Variants in SLC13A3 observed in about 807,000 individuals in gnomAD.
The protein encoded by SLC13A3 is solute carrier family 13 member 3, also known as Na(+)/dicarboxylate cotransporter 3.
In SLC13A3, 40 loss-of-function variants were observed where a neutral mutation model predicts 59.0. The ratio of observed to expected loss-of-function variants is 0.68; its 90% CI spans 0.53 to 0.88. The LOEUF is 0.88. Ranked by LOEUF, SLC13A3 falls within the 40% of genes least tolerant of loss-of-function variation. The pLI is 0.00. For synonymous variants in SLC13A3, 317 were observed against 330.3 expected (o/e 0.96, Z 0.44); for missense variants, 699 against 783.2 (o/e 0.89, Z 1.28).
At chr20:46,593,580 T>C (rs2062281189) in intron 5 of SLC13A3, among the ~76,000 whole-genome samples, 1 of 152,162 alleles carries the variant, frequency 6.6e-6, no homozygotes, top group African/African-American at 2.4e-5. Context: ...AGTATACCTC[T>C]ATAATTAGAC....
At position 46,564,072 on chromosome 20, in the gene SLC13A3, T is replaced by A. The variant is rs568853320; in HGVS notation, c.1495-521A>T. Among the ~76,000 whole-genome samples, 6 of 152,378 alleles carry A rather than the reference T, an allele frequency of 3.9e-5. No individual in the cohort carries two copies. In the South Asian group the frequency reaches 8.3e-4, roughly 21 times the overall value. ...ACGTGTTCCCCCGGTGCTGCTGGTCTAAGGACTGTACACTGAGAACCAGGG... is the reference window on the plus strand; with the variant it reads ...ACGTGTTCCCCCGGTGCTGCTGGTCAAAGGACTGTACACTGAGAACCAGGG... On this transcript the variant is annotated intron_variant, in intron 11 of 12. Transcript: ENST00000279027.
chr20:46,651,423 A>T lies in SLC13A3; in HGVS notation c.-2T>A. ...GGCCGCTGCTGCCAGCGCCGCCATC[A>T]GCGCGATCGCCTGGCGGTACGGGCC... On this transcript the variant is annotated 5_prime_UTR_variant, in exon 1 of 13. Coordinates refer to ENST00000279027, the MANE Select transcript of SLC13A3 (RefSeq NM_022829.6). 2 of 1,480,944 alleles carry T rather than the reference A, an allele frequency of 1.4e-6. No homozygotes were observed. The highest frequency in any genetic ancestry group is 2.9e-5 in the East Asian group (1 of 34,732). The allele number at this position is 1,480,944 out of a possible 1,614,324, so 91.7% of individuals were successfully genotyped here.
chr20:46,674,131 A>G (rs759276958), upstream of SLC13A3, among the ~76,000 whole-genome samples: 28 of 152,110 alleles, frequency 1.8e-4, no homozygotes, highest in Non-Finnish European at 3.5e-4. Context: ...CCCTCCACAG[A>G]AGGGACTTTC....
chr20:46,631,799 GA>G (rs965851815), intron 1 of SLC13A3, among the ~76,000 whole-genome samples: 1 of 151,988 alleles, frequency 6.6e-6, no homozygotes, highest in Non-Finnish European at 1.5e-5. Context: ...GAGAGAGAGA[GA>G]AAAAAATGCC....
At chr20:46,611,544 GGC>G (rs1160758858) in intron 2 of SLC13A3, among the ~76,000 whole-genome samples, 3 of 152,164 alleles carry the variant, frequency 2.0e-5, no homozygotes, top group Non-Finnish European at 4.4e-5. Flanking sequence ...CAGAGCAGAT[GGC>G]ACAGAGATAA....
intron 9 of SLC13A3, among the ~76,000 whole-genome samples, chr20:46,578,668 C>G (rs2062103030): frequency 6.6e-6 from 1 of 151,850 alleles, no homozygotes; most frequent in African/African-American, 2.4e-5. Flanking sequence ...AGAGCAAGAC[C>G]CTGTCTTAAA....
intron 1 of SLC13A3, among the ~76,000 whole-genome samples, chr20:46,683,707 G>A (rs2063164690): frequency 1.3e-5 from 2 of 151,992 alleles, no homozygotes; most frequent in Non-Finnish European, 2.9e-5. Context: ...CTCTTTGTGG[G>A]TCCCTGTCCT....
At chr20:46,610,124 T>C (rs1338418387) in intron 3 of SLC13A3, among the ~76,000 whole-genome samples, 1 of 152,222 alleles carries the variant, frequency 6.6e-6, no homozygotes, top group Non-Finnish European at 1.5e-5. Flanking sequence ...ATGCTGAGCA[T>C]CTCTTTGAAT....
chr20:46,559,730 T>C lies in SLC13A3; in HGVS notation c.*292A>G. 1 of 322,746 alleles carries C rather than the reference T, an allele frequency of 3.1e-6. No homozygotes were observed. Among genetic ancestry groups the C allele is most frequent in the Non-Finnish European group, 5.8e-6 (1 of 173,580 alleles). The allele number at this position is 322,746 out of a possible 1,614,324, so 20.0% of individuals were successfully genotyped here. ...AACACCATGCCAGATTTGCTCACTGTTGATGACACTGGGCTGTCTTGTATC... is the reference window on the plus strand; with the variant it reads ...AACACCATGCCAGATTTGCTCACTGCTGATGACACTGGGCTGTCTTGTATC... On this transcript the variant is annotated 3_prime_UTR_variant, in exon 13 of 13. Coordinates refer to ENST00000279027, the MANE Select transcript of SLC13A3 (RefSeq NM_022829.6).
In SLC13A3 at chr20:46,635,828, A is replaced by G. The variant is rs570870078; in HGVS notation, c.111+15483T>C. 5.3e-5 allele frequency among the ~76,000 whole-genome samples: 8 copies of G among 152,330 alleles called. No homozygotes were observed. The South Asian group carries it at 1.7e-3, about 32-fold the overall frequency. On this transcript the variant is annotated intron_variant, in intron 1 of 12. Transcript: ENST00000279027. ...AGGATGCAGCAAAGAAGCTGGCCAA[A>G]ACCAAGATGGCAAGGAAAGCGACCT...
At chr20:46,573,857 C>A (rs2062049821) in intron 10 of SLC13A3, among the ~76,000 whole-genome samples, 1 of 152,200 alleles carries the variant, frequency 6.6e-6, no homozygotes, top group South Asian at 2.1e-4. Context: ...ATTGTAACTT[C>A]ATTTGAAACT....
chr20:46,588,695 C>T (rs2062220594), intron 7 of SLC13A3, among the ~76,000 whole-genome samples: 1 of 152,082 alleles, frequency 6.6e-6, no homozygotes, highest in African/African-American at 2.4e-5. Context: ...GACAGTTACC[C>T]AATGTACCCA....
At position 46,591,164 on chromosome 20, in the gene SLC13A3, CTAAA is replaced by C. The variant is rs56802241; in HGVS notation, c.920+1236_920+1239del. ...CCTGGGTGACAGAATGAGACTTTGTCTAAATAAATAAATAAATAAATAAATAAAT... is the reference window on the plus strand; with the variant it reads ...CCTGGGTGACAGAATGAGACTTTGTCTAAATAAATAAATAAATAAATAAAT... On this transcript the variant is annotated intron_variant, in intron 6 of 12. Coordinates refer to ENST00000279027, the MANE Select transcript of SLC13A3 (RefSeq NM_022829.6). Among the ~76,000 whole-genome samples the C allele has an allele frequency of 3.5e-3, 528 of 149,058 alleles. 1 individual carries two copies. Among genetic ancestry groups the C allele is most frequent in the African/African-American group, 4.3e-3 (174 of 40,408 alleles).
chr20:46,608,699 C>T (rs955799786), intron 3 of SLC13A3: 23 of 687,590 alleles, frequency 3.3e-5, no homozygotes, highest in South Asian at 7.8e-5. Context: ...AGATGGTACA[C>T]GGATCAACAT....
intron 1 of SLC13A3, among the ~76,000 whole-genome samples, chr20:46,637,233 C>T (rs552086641): frequency 6.6e-6 from 1 of 152,252 alleles, no homozygotes; most frequent in Admixed American, 6.5e-5. Context: ...TGGGGGAAGC[C>T]GGCCCTGCTG....
rs2694883 is a variant in SLC13A3 at position 46,599,945 on chromosome 20, C to T, written c.608+26G>A. ...ATCTCCTTGAATCAAGCACTGGGTC[C>T]TCTATGAATTTCACCAGTAACTTAC... On this transcript the variant is annotated intron_variant, in intron 4 of 12. Coordinates refer to ENST00000279027, the MANE Select transcript of SLC13A3 (RefSeq NM_022829.6). 7,616 of 1,535,146 alleles carry T rather than the reference C, an allele frequency of 5.0e-3. 292 individuals are homozygous for T. The African/African-American group carries it at 0.089, about 18-fold the overall frequency.
chr20:46,607,217 A>C (rs1205776127), intron 3 of SLC13A3, among the ~76,000 whole-genome samples: 2 of 152,214 alleles, frequency 1.3e-5, no homozygotes, highest in Non-Finnish European at 2.9e-5. Context: ...AGTATAAAAA[A>C]ATTAGCATGG....
At chr20:46,622,303 C>T (rs185151285) in intron 1 of SLC13A3, among the ~76,000 whole-genome samples, 41 of 152,236 alleles carry the variant, frequency 2.7e-4, no homozygotes, top group African/African-American at 7.9e-4. Flanking sequence ...CAGGTGGATG[C>T]CGGCTCAAAT....
intron 8 of SLC13A3, among the ~76,000 whole-genome samples, chr20:46,586,710 C>G (rs1039583943): frequency 5.9e-5 from 9 of 152,210 alleles, no homozygotes; most frequent in African/African-American, 2.2e-4. Context: ...CAATCCAACC[C>G]AGCACAAGTC....
Sources: allele counts gnomAD v4.1 joint callset (sites outside exome capture counted in the v4.1 genomes callset), GRCh38; gene constraint gnomAD v4.1.1; transcripts MANE v1.5; gene names NCBI Gene and HGNC (gene_info 2026-07-23, HGNC 2026-07-21).